RGS6: variants seen among roughly 807,000 people sequenced by gnomAD.
RGS6 encodes regulator of G protein signaling 6, also known as regulator of G-protein signaling 6.
RGS6 carries 30 observed loss-of-function variants against 78.5 expected under a neutral mutation model. The ratio of observed to expected loss-of-function variants is 0.38; its 90% CI spans 0.29 to 0.52. The LOEUF is 0.52. RGS6 is among the 20% of genes least tolerant of loss of function. The probability of loss-of-function intolerance (pLI) is 0.85; values close to 1 mark genes in which losing one functional copy is unlikely to be tolerated. For synonymous variants in RGS6, 206 were observed against 206.0 expected (o/e 1.00, Z 0.00); for missense variants, 495 against 609.7 (o/e 0.81, Z 1.98).
chr14:72,184,112 T>C (rs10148272), intron 2 of RGS6, among the ~76,000 whole-genome samples: 55,480 of 151,870 alleles, frequency 0.37, 10,260 homozygotes, highest in Middle Eastern at 0.43. Context: ...TTGCCTCTAC[T>C]TAGCCCAATC....
intron 2 of RGS6, among the ~76,000 whole-genome samples, chr14:72,147,440 G>A (rs2096620764): frequency 6.6e-6 from 1 of 152,228 alleles, no homozygotes; most frequent in Non-Finnish European, 1.5e-5. Context: ...AGAAGGGCAA[G>A]AGAACATGTG....
At chr14:71,954,107 G>C (rs898507637) in intron 1 of RGS6, among the ~76,000 whole-genome samples, 7 of 149,284 alleles carry the variant, frequency 4.7e-5, no homozygotes, top group Non-Finnish European at 3.0e-5. Context: ...CTTTGTCTTT[G>C]GTTTTCTGCA....
chr14:72,141,560 C>T (rs1478079166), intron 2 of RGS6, among the ~76,000 whole-genome samples: 8 of 152,198 alleles, frequency 5.3e-5, no homozygotes, highest in African/African-American at 1.7e-4. Context: ...TCCTTATAAA[C>T]CTTGTGGTTG....
intron 14 of RGS6, among the ~76,000 whole-genome samples, chr14:72,516,590 C>T (rs565166586): frequency 6.6e-6 from 1 of 152,320 alleles, no homozygotes; most frequent in East Asian, 1.9e-4. Flanking sequence ...CCCAGGCCAC[C>T]TGCGGAGAGA....
the RGS6 span, among the ~76,000 whole-genome samples, chr14:72,624,095 C>T: frequency 2.0e-5 from 3 of 152,078 alleles, no homozygotes; most frequent in Non-Finnish European, 2.9e-5. Flanking sequence ...AAACCTTAGT[C>T]ACCTTCAGAA....
chr14:72,305,002 T>C (rs150528132), intron 2 of RGS6, among the ~76,000 whole-genome samples: 529 of 152,278 alleles, frequency 3.5e-3, no homozygotes, highest in Admixed American at 5.0e-3. Flanking sequence ...CCCAGGACAT[T>C]ACCAAACTTT....
intron 3 of RGS6, among the ~76,000 whole-genome samples, chr14:72,412,652 G>A (rs1213206020): frequency 6.6e-6 from 1 of 152,052 alleles, no homozygotes; most frequent in African/African-American, 2.4e-5. Flanking sequence ...TCTTTTAATT[G>A]TGATGTTAGG....
intron 3 of RGS6, among the ~76,000 whole-genome samples, chr14:72,366,703 A>C (rs1485232522): frequency 1.3e-5 from 2 of 152,168 alleles, no homozygotes; most frequent in Admixed American, 6.5e-5. Context: ...TTGAATAGTA[A>C]GTAGGTAACA....
At chr14:72,311,909 C>G (rs2068713623) in intron 2 of RGS6, among the ~76,000 whole-genome samples, 1 of 152,184 alleles carries the variant, frequency 6.6e-6, no homozygotes, top group Non-Finnish European at 1.5e-5. Context: ...AGTTCTCTTG[C>G]TAAATCAAAA....
chr14:71,928,448 G>A (rs1017979190), upstream of RGS6, among the ~76,000 whole-genome samples: 3 of 152,114 alleles, frequency 2.0e-5, no homozygotes, highest in Non-Finnish European at 4.4e-5. Flanking sequence ...TCATGAATGC[G>A]CAGTCTTGGT....
intron 15 of RGS6, among the ~76,000 whole-genome samples, chr14:72,530,284 A>G (rs1029471832): frequency 2.6e-5 from 4 of 152,220 alleles, no homozygotes; most frequent in Non-Finnish European, 5.9e-5. Context: ...GCTTTTCCAG[A>G]TGACTCAGGA....
intron 2 of RGS6, among the ~76,000 whole-genome samples, chr14:72,322,028 G>T (rs1210714441): frequency 1.3e-5 from 2 of 151,992 alleles, no homozygotes; most frequent in Middle Eastern, 3.4e-3. Flanking sequence ...TAATGATAAT[G>T]ATTATAACCA....
intron 1 of RGS6, among the ~76,000 whole-genome samples, chr14:71,937,938 A>G (rs1317094892): frequency 6.6e-6 from 1 of 152,174 alleles, no homozygotes; most frequent in East Asian, 1.9e-4. Flanking sequence ...CAATTTGGGC[A>G]CTCAGCAGTG....
At chr14:71,967,801 T>A (rs1426204115) in intron 2 of RGS6, among the ~76,000 whole-genome samples, 1 of 152,224 alleles carries the variant, frequency 6.6e-6, no homozygotes, top group African/African-American at 2.4e-5. Context: ...TGGATGATTA[T>A]GTCCATAATG....
intron 2 of RGS6, among the ~76,000 whole-genome samples, chr14:72,255,549 T>A (rs934949238): frequency 2.6e-5 from 4 of 152,212 alleles, no homozygotes; most frequent in African/African-American, 9.6e-5. Flanking sequence ...AGACTCTGAA[T>A]TTGTTTTCTC....
intron 3 of RGS6, among the ~76,000 whole-genome samples, chr14:72,354,348 G>A (rs547802076): frequency 2.5e-4 from 38 of 151,852 alleles, no homozygotes; most frequent in African/African-American, 8.5e-4. Context: ...ATAGGGGGCC[G>A]GGTGCCGTGA....
At chr14:72,414,771 G>C (rs897997476) in intron 3 of RGS6, among the ~76,000 whole-genome samples, 1 of 152,134 alleles carries the variant, frequency 6.6e-6, no homozygotes, top group Admixed American at 6.5e-5. Context: ...TCTTCTATCA[G>C]TCAGGACCCT....
intron 2 of RGS6, among the ~76,000 whole-genome samples, chr14:72,350,761 C>G (rs956125295): frequency 1.3e-5 from 2 of 152,032 alleles, no homozygotes; most frequent in Admixed American, 1.3e-4. Context: ...CTTAATCCAC[C>G]CTACCCTGAT....
chr14:72,401,561 G>A (rs2092403090), intron 3 of RGS6, among the ~76,000 whole-genome samples: 2 of 151,410 alleles, frequency 1.3e-5, no homozygotes, highest in Non-Finnish European at 2.9e-5. Flanking sequence ...ACTCTCATGT[G>A]ACCCCAGGTC....
Sources: gnomAD v4.1 joint callset for allele counts (sites outside exome capture counted in the v4.1 genomes callset) on GRCh38, gnomAD v4.1.1 for gene constraint, MANE v1.5 for transcripts, NCBI Gene and HGNC (gene_info 2026-07-23, HGNC 2026-07-21) for gene names.